The following MAGI2 variants were observed in gnomAD, a reference collection of about 807,000 sequenced individuals.
MAGI2 encodes membrane-associated guanylate kinase, WW and PDZ domain-containing protein 2.
In MAGI2, 35 loss-of-function variants were observed where a neutral mutation model predicts 133.3. That is an observed-to-expected ratio of 0.26 (90% CI 0.20 to 0.35). The LOEUF is 0.35. Ranked by LOEUF, MAGI2 falls within the 10% of genes least tolerant of loss-of-function variation. The pLI is 1.00. For missense variants in MAGI2, 1,636 were observed against 1,863.4 expected (o/e 0.88, Z 2.25); for synonymous variants, 729 against 710.6 (o/e 1.03, Z -0.41).
intron 2 of MAGI2, among the ~76,000 whole-genome samples, chr7:78,917,861 T>G (rs1584386372): frequency 6.6e-6 from 1 of 152,280 alleles, no homozygotes; most frequent in Admixed American, 6.5e-5. Context: ...CAGCCACAGC[T>G]AAACAGAAGC....
intron 9 of MAGI2, among the ~76,000 whole-genome samples, chr7:78,261,021 T>C (rs1176309546): frequency 6.6e-6 from 1 of 152,136 alleles, no homozygotes; most frequent in Non-Finnish European, 1.5e-5. Flanking sequence ...TTTGAGTCAC[T>C]GTGGCCTACA....
At chr7:78,446,768 T>G (rs2151473139) in intron 6 of MAGI2, among the ~76,000 whole-genome samples, 1 of 152,238 alleles carries the variant, frequency 6.6e-6, no homozygotes, top group South Asian at 2.1e-4. Context: ...TTCCAAGGTT[T>G]TGCTCTTCAA....
At chr7:79,377,862 G>A (rs1480613844) in intron 1 of MAGI2, among the ~76,000 whole-genome samples, 2 of 151,768 alleles carry the variant, frequency 1.3e-5, no homozygotes, top group African/African-American at 4.8e-5. Context: ...TATGTAGGTC[G>A]AATACAGGTC....
Position 78,597,626 on chromosome 7 carries a change from C to T in MAGI2, c.538+29494G>A, listed in dbSNP as rs529509856. On this transcript the variant is annotated intron_variant, in intron 3 of 21. Coordinates refer to ENST00000354212, the MANE Select transcript of MAGI2 (RefSeq NM_012301.4). ...ACTAAATGGTTTAAATATGGGTAGA[C>T]TCTCGAGATACATAAACTGCCCTTA... Among the ~76,000 whole-genome samples, 24 of 152,278 alleles carry T rather than the reference C, an allele frequency of 1.6e-4. No individual in the cohort carries two copies. In the South Asian group the frequency reaches 4.1e-3, roughly 26 times the overall value.
At chr7:78,764,571 C>T (rs1378250998) in intron 2 of MAGI2, among the ~76,000 whole-genome samples, 1 of 152,166 alleles carries the variant, frequency 6.6e-6, no homozygotes, top group East Asian at 1.9e-4. Context: ...AAATGTTAAA[C>T]AGTTCTTCTT....
intron 3 of MAGI2, among the ~76,000 whole-genome samples, chr7:78,574,076 G>C (rs1802018697): frequency 6.6e-6 from 1 of 152,168 alleles, no homozygotes; most frequent in African/African-American, 2.4e-5. Context: ...GTAAGAAAAA[G>C]GGTAGTTGGT....
intron 3 of MAGI2, among the ~76,000 whole-genome samples, chr7:78,572,622 C>G (rs1045097698): frequency 2.6e-5 from 4 of 152,026 alleles, no homozygotes; most frequent in African/African-American, 9.7e-5. Flanking sequence ...CAATCATTAT[C>G]TACTCTGATT....
chr7:79,127,033 G>A (rs1207988683), intron 1 of MAGI2, among the ~76,000 whole-genome samples: 1 of 146,104 alleles, frequency 6.8e-6, no homozygotes, highest in Non-Finnish European at 1.5e-5. Context: ...TCCCACCTAT[G>A]AGTGAGAACA....
intron 18 of MAGI2, among the ~76,000 whole-genome samples, chr7:78,130,169 T>C (rs902475694): frequency 3.9e-5 from 6 of 152,112 alleles, no homozygotes; most frequent in African/African-American, 1.4e-4. Context: ...TTGAATAGTG[T>C]TTTTGCTTAT....
chr7:78,561,374 T>G lies in MAGI2; in HGVS notation c.539-39729A>C, dbSNP rs1030243664. Among the ~76,000 whole-genome samples, 2 of 152,214 alleles carry G rather than the reference T, an allele frequency of 1.3e-5. 1 individual carries two copies. Among genetic ancestry groups the G allele is most frequent in the South Asian group, 4.1e-4 (2 of 4,832 alleles). On this transcript the variant is annotated intron_variant, in intron 3 of 21. Coordinates refer to ENST00000354212, the MANE Select transcript of MAGI2 (RefSeq NM_012301.4). ...ACTAGATTATTTGTCAGGTCACTTATATGCATGTTGAAATATAGGTTAGCA... is the reference window on the plus strand; with the variant it reads ...ACTAGATTATTTGTCAGGTCACTTAGATGCATGTTGAAATATAGGTTAGCA...
At chr7:78,983,162 G>A (rs1254288735) in intron 2 of MAGI2, among the ~76,000 whole-genome samples, 2 of 151,816 alleles carry the variant, frequency 1.3e-5, no homozygotes, top group African/African-American at 2.4e-5. Flanking sequence ...TTTAAAATGT[G>A]GTTAGTAAAA....
At position 78,156,100 on chromosome 7, in the gene MAGI2, G is replaced by A. The variant is rs190339252; in HGVS notation, c.2845+3925C>T. ...AGACATCCCCTTGAGTCTGAATTTC[G>A]ATGATTTCCATTACTTTTATAGCTT... On this transcript the variant is annotated intron_variant, in intron 16 of 21. Coordinates refer to ENST00000354212, the MANE Select transcript of MAGI2 (RefSeq NM_012301.4). 2.5e-3 allele frequency among the ~76,000 whole-genome samples: 374 copies of A among 152,276 alleles called. 1 individual carries two copies. The highest frequency in any genetic ancestry group is 3.9e-3 in the Non-Finnish European group (264 of 68,030).
At chr7:78,241,273 T>G (rs2150906950) in intron 10 of MAGI2, among the ~76,000 whole-genome samples, 1 of 152,308 alleles carries the variant, frequency 6.6e-6, no homozygotes, top group Non-Finnish European at 1.5e-5. Context: ...AGTCAGAAGA[T>G]TCAGGTGTGA....
At chr7:78,223,767 T>G (rs1028185792) in intron 10 of MAGI2, among the ~76,000 whole-genome samples, 3 of 152,154 alleles carry the variant, frequency 2.0e-5, no homozygotes, top group Non-Finnish European at 1.5e-5. Context: ...ATTTATGGTA[T>G]AAAAGCTAGT....
intron 20 of MAGI2, among the ~76,000 whole-genome samples, chr7:78,086,230 T>TA (rs1373502219): frequency 4.1e-5 from 6 of 147,056 alleles, no homozygotes; most frequent in African/African-American, 1.5e-4. Context: ...TTTTTTTTTT[T>TA]AATTTTTAAT....
intron 1 of MAGI2, among the ~76,000 whole-genome samples, chr7:79,039,708 G>T (rs192959004): frequency 7.1e-4 from 108 of 151,604 alleles, no homozygotes; most frequent in African/African-American, 2.5e-3. Context: ...GAGGTTGGGT[G>T]CAGTGGCTCA....
At chr7:79,187,124 C>T (rs904559388) in intron 1 of MAGI2, among the ~76,000 whole-genome samples, 2 of 151,228 alleles carry the variant, frequency 1.3e-5, no homozygotes, top group African/African-American at 4.9e-5. Context: ...AATATTTTAA[C>T]AGAGATGATT....
intron 1 of MAGI2, among the ~76,000 whole-genome samples, chr7:79,423,996 T>C (rs1294344913): frequency 1.3e-5 from 2 of 152,154 alleles, no homozygotes; most frequent in Non-Finnish European, 2.9e-5. Flanking sequence ...CTATAAACCA[T>C]TGTTCCAGGC....
At chr7:78,445,623 A>T (rs1481925035) in intron 6 of MAGI2, among the ~76,000 whole-genome samples, 1 of 152,036 alleles carries the variant, frequency 6.6e-6, no homozygotes, top group Non-Finnish European at 1.5e-5. Context: ...TTCACCTGGC[A>T]CTTATTCCTC....
Sources: allele counts gnomAD v4.1 joint callset (sites outside exome capture counted in the v4.1 genomes callset), GRCh38; gene constraint gnomAD v4.1.1; transcripts MANE v1.5; gene names NCBI Gene and HGNC (gene_info 2026-07-23, HGNC 2026-07-21).